Variants in PLCB1 observed in about 807,000 individuals in gnomAD.
PLCB1 encodes the protein 1-phosphatidylinositol 4,5-bisphosphate phosphodiesterase beta-1.
A neutral mutation model predicts 161.8 loss-of-function variants in PLCB1; 46 were observed. The ratio of observed to expected loss-of-function variants is 0.28; its 90% CI spans 0.22 to 0.36. The LOEUF (loss-of-function observed/expected upper bound fraction) is 0.36, where lower values mean the gene tolerates loss of function less well. PLCB1 is among the 10% of genes least tolerant of loss of function. The probability of loss-of-function intolerance (pLI) is 1.00; values close to 1 mark genes in which losing one functional copy is unlikely to be tolerated. For missense variants in PLCB1, 1,016 were observed against 1,472.5 expected (o/e 0.69, Z 5.07); for synonymous variants, 517 against 503.7 (o/e 1.03, Z -0.35).
Position 8,376,656 on chromosome 20 carries a change from C to T in PLCB1, c.246+5206C>T, listed in dbSNP as rs534512206. ...AAAAAGAAAAGAAATCAGCCGGGCG[C>T]AGTGGCTCACGCCTGTAATCCCAGC... On this transcript the variant is annotated intron_variant, in intron 3 of 31. Transcript: ENST00000338037. Among the ~76,000 whole-genome samples the T allele has an allele frequency of 4.6e-5, 7 of 152,302 alleles. No individual in the cohort carries two copies. In the East Asian group the frequency reaches 1.4e-3, roughly 29 times the overall value.
intron 2 of PLCB1, among the ~76,000 whole-genome samples, chr20:8,271,427 A>G (rs1488293341): frequency 2.0e-5 from 3 of 152,276 alleles, no homozygotes; most frequent in Admixed American, 2.0e-4. Flanking sequence ...TTAAGAATCC[A>G]TGCTTTAGAA....
chr20:8,506,501 A>G (rs1055029190), intron 3 of PLCB1, among the ~76,000 whole-genome samples: 3 of 152,358 alleles, frequency 2.0e-5, no homozygotes, highest in Middle Eastern at 6.8e-3. Flanking sequence ...CTTGAAAACT[A>G]TACATTTTAA....
At chr20:8,633,446 A>G (rs1988664918) in intron 4 of PLCB1, among the ~76,000 whole-genome samples, 1 of 152,210 alleles carries the variant, frequency 6.6e-6, no homozygotes. Flanking sequence ...TAACACGTAA[A>G]TTTGGGGGTC....
chr20:8,648,981 T>C (rs1989240874), intron 6 of PLCB1, among the ~76,000 whole-genome samples: 1 of 150,544 alleles, frequency 6.6e-6, no homozygotes, highest in Non-Finnish European at 1.5e-5. Context: ...AGAAAAGAAA[T>C]TAATTTAAAA....
chr20:8,876,912 T>C (rs1366394596), intron 31 of PLCB1, among the ~76,000 whole-genome samples: 1 of 152,092 alleles, frequency 6.6e-6, no homozygotes, highest in Non-Finnish European at 1.5e-5. Context: ...CAGCATATAC[T>C]TTTGACACAT....
chr20:8,775,906 G>C (rs964461827), intron 27 of PLCB1, among the ~76,000 whole-genome samples: 1 of 152,144 alleles, frequency 6.6e-6, no homozygotes, highest in East Asian at 1.9e-4. Flanking sequence ...ACATGATTTC[G>C]AGGGGTTGCC....
chr20:8,392,896 G>T (rs1987653870), intron 3 of PLCB1, among the ~76,000 whole-genome samples: 1 of 152,022 alleles, frequency 6.6e-6, no homozygotes, highest in African/African-American at 2.4e-5. Context: ...TCCTATCTAT[G>T]GCATTTATCT....
At chr20:8,731,740 G>A (rs1980259098) in intron 18 of PLCB1, among the ~76,000 whole-genome samples, 1 of 151,776 alleles carries the variant, frequency 6.6e-6, no homozygotes, top group Non-Finnish European at 1.5e-5. Context: ...TATTTGTTGT[G>A]TATTATTTTT....
intron 3 of PLCB1, among the ~76,000 whole-genome samples, chr20:8,421,442 A>G (rs943441361): frequency 1.3e-5 from 2 of 152,180 alleles, no homozygotes; most frequent in Admixed American, 6.6e-5. Context: ...AAGAGTCTCT[A>G]TGGTCAGCTT....
At chr20:8,315,261 C>A (rs549674611) in intron 2 of PLCB1, among the ~76,000 whole-genome samples, 1 of 152,240 alleles carries the variant, frequency 6.6e-6, no homozygotes, top group East Asian at 1.9e-4. Context: ...AAGGGTGAAG[C>A]AATTGCATGC....
chr20:8,745,381 A>G (rs750580212), intron 23 of PLCB1, among the ~76,000 whole-genome samples: 4 of 152,202 alleles, frequency 2.6e-5, no homozygotes, highest in African/African-American at 9.6e-5. Flanking sequence ...AGACTTTTTT[A>G]GTATCATCAT....
At chr20:8,616,380 C>G (rs1486974981) in intron 3 of PLCB1, among the ~76,000 whole-genome samples, 2 of 152,186 alleles carry the variant, frequency 1.3e-5, no homozygotes, top group Non-Finnish European at 2.9e-5. Flanking sequence ...TTACTAAACC[C>G]TCCTTCATCT....
chr20:8,430,566 T>C (rs1386601080), intron 3 of PLCB1, among the ~76,000 whole-genome samples: 1 of 152,222 alleles, frequency 6.6e-6, no homozygotes, highest in African/African-American at 2.4e-5. Flanking sequence ...GGAGGAAGAC[T>C]GGTTCTGATG....
chr20:8,777,445 G>A (rs1982997699), intron 27 of PLCB1, among the ~76,000 whole-genome samples: 1 of 151,996 alleles, frequency 6.6e-6, no homozygotes, highest in Non-Finnish European at 1.5e-5. Flanking sequence ...CCAGCTGGGT[G>A]CGGTGGCTCA....
intron 4 of PLCB1, among the ~76,000 whole-genome samples, chr20:8,642,651 G>C (rs576451911): frequency 6.6e-6 from 1 of 152,232 alleles, no homozygotes; most frequent in South Asian, 2.1e-4. Flanking sequence ...AAAATATCTT[G>C]TTTAAAATTA....
At chr20:8,668,275 T>G (rs912936950) in intron 9 of PLCB1, among the ~76,000 whole-genome samples, 2 of 152,122 alleles carry the variant, frequency 1.3e-5, no homozygotes, top group African/African-American at 4.8e-5. Flanking sequence ...GACCAAGGAT[T>G]TCAAAAATCT....
At chr20:8,199,595 CTTATATTTTAAT>C (rs2052068586) in intron 2 of PLCB1, among the ~76,000 whole-genome samples, 1 of 151,816 alleles carries the variant, frequency 6.6e-6, no homozygotes, top group Non-Finnish European at 1.5e-5. Flanking sequence ...TGATTTGTTG[CTTATATTTTAAT>C]TAGTTTGTAT....
chr20:8,822,614 G>T (rs1985488932), intron 31 of PLCB1, among the ~76,000 whole-genome samples: 1 of 152,204 alleles, frequency 6.6e-6, no homozygotes, highest in African/African-American at 2.4e-5. Flanking sequence ...TTGCACCAAT[G>T]CCAGAGTTTC....
intron 22 of PLCB1, among the ~76,000 whole-genome samples, chr20:8,741,222 C>T (rs1433346688): frequency 6.6e-6 from 1 of 152,190 alleles, no homozygotes; most frequent in East Asian, 1.9e-4. Flanking sequence ...CCTGAAGTTT[C>T]AACAGAGTCC....
Sources: allele counts gnomAD v4.1 joint callset (sites outside exome capture counted in the v4.1 genomes callset), GRCh38; gene constraint gnomAD v4.1.1; transcripts MANE v1.5; gene names NCBI Gene and HGNC (gene_info 2026-07-23, HGNC 2026-07-21).